The following GPC5 variants were observed in gnomAD, a reference collection of about 807,000 sequenced individuals.
GPC5 encodes glypican 5, also known as glypican-5.
GPC5 carries 47 observed loss-of-function variants against 53.9 expected under a neutral mutation model. The observed-to-expected ratio is 0.87, with a 90% CI of 0.69 to 1.11. The LOEUF (loss-of-function observed/expected upper bound fraction) is 1.11, where lower values mean the gene tolerates loss of function less well. Ranked by LOEUF, GPC5 falls within the 50% of genes most tolerant of loss-of-function variation. The probability of loss-of-function intolerance (pLI) is 0.00; values close to 1 mark genes in which losing one functional copy is unlikely to be tolerated. For missense variants in GPC5, 748 were observed against 713.1 expected (o/e 1.05, Z -0.56); for synonymous variants, 286 against 263.3 (o/e 1.09, Z -0.84).
chr13:91,802,548 T>C (rs2038152902), intron 5 of GPC5, among the ~76,000 whole-genome samples: 1 of 152,148 alleles, frequency 6.6e-6, no homozygotes, highest in Non-Finnish European at 1.5e-5. Context: ...CAGCTTTTAT[T>C]CCCTTATTTG....
chr13:92,217,066 C>A (rs890569792), intron 7 of GPC5, among the ~76,000 whole-genome samples: 1 of 152,018 alleles, frequency 6.6e-6, no homozygotes, highest in African/African-American at 2.4e-5. Context: ...TCCCTCTGAC[C>A]CTGCAGTCTT....
chr13:91,616,400 A>C (rs1281403051), intron 2 of GPC5, among the ~76,000 whole-genome samples: 1 of 152,118 alleles, frequency 6.6e-6, no homozygotes, highest in Non-Finnish European at 1.5e-5. Context: ...TTTCCTATAA[A>C]GATGTCTATG....
At chr13:91,798,457 C>G (rs1233583013) in intron 5 of GPC5, among the ~76,000 whole-genome samples, 1 of 152,126 alleles carries the variant, frequency 6.6e-6, no homozygotes, top group Admixed American at 6.6e-5. Context: ...TTTTGTGTTC[C>G]CCCATTAGTT....
intron 7 of GPC5, among the ~76,000 whole-genome samples, chr13:92,618,134 T>C (rs531830683): frequency 6.8e-4 from 103 of 152,282 alleles, no homozygotes; most frequent in African/African-American, 2.3e-3. Flanking sequence ...TCTTCCCCAG[T>C]TGATTTTTAC....
intron 6 of GPC5, among the ~76,000 whole-genome samples, chr13:92,138,534 TAAAAAATA>T (rs758230503): frequency 1.1e-4 from 16 of 148,756 alleles, no homozygotes; most frequent in African/African-American, 1.7e-4. Context: ...AAATAAAAAA[TAAAAAATA>T]AAAAAAAATA....
chr13:92,113,241 T>A (rs1426923095), intron 6 of GPC5, among the ~76,000 whole-genome samples: 1 of 152,168 alleles, frequency 6.6e-6, no homozygotes, highest in Non-Finnish European at 1.5e-5. Context: ...TGTTTTGACA[T>A]GAATACAATC....
intron 7 of GPC5, among the ~76,000 whole-genome samples, chr13:92,623,151 G>A (rs1219507700): frequency 2.7e-5 from 4 of 150,930 alleles, no homozygotes; most frequent in African/African-American, 9.8e-5. Context: ...GGGTGACAGA[G>A]TGAGATTCTA....
chr13:92,536,053 G>A (rs1404636651), intron 7 of GPC5, among the ~76,000 whole-genome samples: 2 of 152,050 alleles, frequency 1.3e-5, no homozygotes, highest in East Asian at 1.9e-4. Flanking sequence ...AATATTAATA[G>A]TTATTATATG....
intron 6 of GPC5, among the ~76,000 whole-genome samples, chr13:92,074,522 G>T (rs1343829203): frequency 1.3e-5 from 2 of 152,102 alleles, no homozygotes; most frequent in African/African-American, 4.8e-5. Context: ...CACAACATTG[G>T]GTAGATATCA....
At chr13:91,759,567 T>A (rs2037367237) in intron 5 of GPC5, among the ~76,000 whole-genome samples, 1 of 152,100 alleles carries the variant, frequency 6.6e-6, no homozygotes, top group African/African-American at 2.4e-5. Flanking sequence ...CTACTCTCCA[T>A]CTCCATGAAT....
intron 3 of GPC5, among the ~76,000 whole-genome samples, chr13:91,694,521 T>A (rs2035837879): frequency 6.6e-6 from 1 of 152,214 alleles, no homozygotes; most frequent in Admixed American, 6.5e-5. Context: ...TGAAACGTTT[T>A]TAAAACACAA....
intron 5 of GPC5, among the ~76,000 whole-genome samples, chr13:91,814,554 T>TTTAG (rs952981990): frequency 4.6e-5 from 7 of 152,094 alleles, no homozygotes; most frequent in Non-Finnish European, 1.0e-4. Flanking sequence ...TATTTATTTA[T>TTTAG]TTTGAGACAG....
intron 6 of GPC5, among the ~76,000 whole-genome samples, chr13:91,911,291 C>G (rs146641830): frequency 5.3e-4 from 80 of 152,230 alleles, no homozygotes; most frequent in Non-Finnish European, 7.8e-4. Flanking sequence ...TGCCTGTAAT[C>G]TCAGCACTTT....
chr13:92,339,807 C>A (rs2043351182), intron 7 of GPC5: 1 of 152,076 alleles, frequency 6.6e-6, no homozygotes, highest in South Asian at 2.1e-4. Flanking sequence ...TTTAATATAA[C>A]AATTTTATTT....
chr13:91,815,293 C>A (rs954511074), intron 5 of GPC5, among the ~76,000 whole-genome samples: 2 of 151,976 alleles, frequency 1.3e-5, no homozygotes, highest in African/African-American at 4.8e-5. Flanking sequence ...ACACTGAGCC[C>A]AGGAGGTCGA....
chr13:91,603,694 A>G (rs923820227), intron 2 of GPC5, among the ~76,000 whole-genome samples: 8 of 152,160 alleles, frequency 5.3e-5, no homozygotes, highest in African/African-American at 1.9e-4. Flanking sequence ...TTAGAGAGTC[A>G]TTTACTCTTT....
At chr13:91,409,712 C>T (rs775191396) in intron 1 of GPC5, among the ~76,000 whole-genome samples, 4 of 151,774 alleles carry the variant, frequency 2.6e-5, no homozygotes, top group African/African-American at 7.3e-5. Flanking sequence ...TTTTTTCTCC[C>T]GACTTTCATA....
At chr13:92,763,891 G>A (rs1445688161) in intron 7 of GPC5, among the ~76,000 whole-genome samples, 3 of 152,092 alleles carry the variant, frequency 2.0e-5, no homozygotes, top group Non-Finnish European at 4.4e-5. Flanking sequence ...ATAGAGCAGA[G>A]TCCAGCTCAG....
chr13:92,434,094 G>C (rs1877204451), intron 7 of GPC5, among the ~76,000 whole-genome samples: 1 of 152,098 alleles, frequency 6.6e-6, no homozygotes. Flanking sequence ...CAAATTCAAA[G>C]GCAAGGAACA....
Sources: gnomAD v4.1 joint callset for allele counts (sites outside exome capture counted in the v4.1 genomes callset) on GRCh38, gnomAD v4.1.1 for gene constraint, MANE v1.5 for transcripts, NCBI Gene and HGNC (gene_info 2026-07-23, HGNC 2026-07-21) for gene names.